The following RBFOX1 variants were observed in gnomAD, a reference collection of about 807,000 sequenced individuals.
RBFOX1 encodes RNA binding protein fox-1 homolog 1.
A neutral mutation model predicts 57.7 loss-of-function variants in RBFOX1; 8 were observed. The observed-to-expected ratio is 0.14, with a 90% CI of 0.08 to 0.25. The LOEUF (loss-of-function observed/expected upper bound fraction) is 0.25, where lower values mean the gene tolerates loss of function less well. RBFOX1 is among the 10% of genes least tolerant of loss of function. The pLI is 1.00. For synonymous variants in RBFOX1, 326 were observed against 222.4 expected, an observed-to-expected ratio of 1.47 and a Z score of -4.15; for missense variants, 611 against 548.5, an observed-to-expected ratio of 1.11 and a Z score of -1.14.
At chr16:5,537,157 C>G (rs547033100) in intron 2 of RBFOX1, among the ~76,000 whole-genome samples, 38 of 152,204 alleles carry the variant, frequency 2.5e-4, no homozygotes, top group Middle Eastern at 3.4e-3. Flanking sequence ...TTTCTATAAT[C>G]TTACTTCCTT....
chr16:6,897,286 C>T (rs932989952), intron 3 of RBFOX1, among the ~76,000 whole-genome samples: 4 of 152,110 alleles, frequency 2.6e-5, no homozygotes, highest in African/African-American at 9.7e-5. Context: ...GCTTGTAAGC[C>T]CAGCTACTCA....
At chr16:5,970,326 C>G (rs2059937598) in intron 4 of RBFOX1, among the ~76,000 whole-genome samples, 1 of 151,914 alleles carries the variant, frequency 6.6e-6, no homozygotes, top group African/African-American at 2.4e-5. Context: ...ATATGGCCAT[C>G]ATTCTTCCAG....
At chr16:7,314,579 G>A (rs946977510) in intron 4 of RBFOX1, among the ~76,000 whole-genome samples, 6 of 152,154 alleles carry the variant, frequency 3.9e-5, no homozygotes, top group Non-Finnish European at 8.8e-5. Flanking sequence ...GGGCTGATTG[G>A]TTTGTTTCAC....
intron 2 of RBFOX1, among the ~76,000 whole-genome samples, chr16:5,497,265 C>G (rs1307279625): frequency 1.3e-5 from 2 of 149,374 alleles, no homozygotes; most frequent in African/African-American, 4.9e-5. Flanking sequence ...TTTTTTTTTT[C>G]TCAGATAACA....
chr16:6,937,213 C>G (rs566670163), intron 3 of RBFOX1, among the ~76,000 whole-genome samples: 4 of 152,078 alleles, frequency 2.6e-5, no homozygotes, highest in East Asian at 3.9e-4. Flanking sequence ...TGTAAGAAAT[C>G]AAAATAGTAT....
At chr16:7,037,172 C>G (rs1006932491) in intron 3 of RBFOX1, among the ~76,000 whole-genome samples, 7 of 150,862 alleles carry the variant, frequency 4.6e-5, no homozygotes, top group Admixed American at 4.6e-4. Flanking sequence ...CCTATCTTAT[C>G]CTGTGACTTA....
At chr16:7,453,043 C>G (rs1026924509) in intron 4 of RBFOX1, among the ~76,000 whole-genome samples, 2 of 150,516 alleles carry the variant, frequency 1.3e-5, no homozygotes, top group African/African-American at 4.9e-5. Context: ...GCAGGAGAAT[C>G]TCTTGAACCC....
chr16:7,713,044 T>C lies in RBFOX1; in HGVS notation c.*2299T>C, dbSNP rs1297322534. ...TTGTCTAGGCACTCCAAGATGCCAATAAGTCATTTTAAAATGTATGTCAGA... is the reference window on the plus strand; with the variant it reads ...TTGTCTAGGCACTCCAAGATGCCAACAAGTCATTTTAAAATGTATGTCAGA... On this transcript the variant is annotated 3_prime_UTR_variant, in exon 16 of 16. Coordinates refer to ENST00000550418, the MANE Select transcript of RBFOX1 (RefSeq NM_018723.4). 1 of 152,214 alleles carries C rather than the reference T, an allele frequency of 6.6e-6. No homozygotes were observed. Among genetic ancestry groups the C allele is most frequent in the Non-Finnish European group, 1.5e-5 (1 of 68,026 alleles). The allele number at this position is 152,214 out of a possible 1,614,324, so 9.4% of individuals were successfully genotyped here. A position where few individuals can be genotyped will look rare whatever the true frequency, so the allele number is the denominator to read the frequency against.
chr16:7,681,036 G>A (rs1298420043), intron 14 of RBFOX1, among the ~76,000 whole-genome samples: 1 of 152,070 alleles, frequency 6.6e-6, no homozygotes, highest in African/African-American at 2.4e-5. Context: ...GAGAACGTAA[G>A]TTAAATATGA....
chr16:5,830,432 G>T (rs1433224471), intron 3 of RBFOX1, among the ~76,000 whole-genome samples: 1 of 150,984 alleles, frequency 6.6e-6, no homozygotes, highest in Non-Finnish European at 1.5e-5. Context: ...TGAAAGCTTA[G>T]TGCTTATCAC....
intron 4 of RBFOX1, among the ~76,000 whole-genome samples, chr16:7,154,432 A>T (rs1208196693): frequency 6.6e-6 from 1 of 152,232 alleles, no homozygotes; most frequent in African/African-American, 2.4e-5. Context: ...GTCCCATCAC[A>T]GAAGGACAAT....
intron 3 of RBFOX1, among the ~76,000 whole-genome samples, chr16:6,960,611 C>T (rs764440813): frequency 8.5e-5 from 13 of 152,118 alleles, no homozygotes; most frequent in Non-Finnish European, 1.5e-4. Context: ...AGGCCCCCGC[C>T]TGCCTTTTTT....
intron 3 of RBFOX1, among the ~76,000 whole-genome samples, chr16:7,004,974 T>A (rs563206475): frequency 6.6e-6 from 1 of 152,262 alleles, no homozygotes; most frequent in South Asian, 2.1e-4. Context: ...TGAAACCCCA[T>A]TTCTACCAAA....
chr16:7,640,382 T>C (rs931583912), intron 11 of RBFOX1, among the ~76,000 whole-genome samples: 3 of 152,236 alleles, frequency 2.0e-5, no homozygotes, highest in African/African-American at 7.2e-5. Context: ...ATGGTGATTT[T>C]CATTTTTTCA....
At chr16:6,154,173 T>C (rs1211657243) in intron 1 of RBFOX1, among the ~76,000 whole-genome samples, 1 of 152,186 alleles carries the variant, frequency 6.6e-6, no homozygotes, top group Non-Finnish European at 1.5e-5. Flanking sequence ...AAGCCAGTTA[T>C]CTCTCAGCCT....
intron 4 of RBFOX1, among the ~76,000 whole-genome samples, chr16:7,116,795 G>A (rs2065994686): frequency 6.6e-6 from 1 of 152,118 alleles, no homozygotes. Flanking sequence ...CAGGCATGGT[G>A]CTATGCAGAG....
intron 4 of RBFOX1, among the ~76,000 whole-genome samples, chr16:7,229,654 GGAGGAAGGGCA>G (rs2093364842): frequency 9.1e-6 from 1 of 109,454 alleles, no homozygotes. Flanking sequence ...GGAGAGAGAG[GGAGGAAGGGCA>G]AAGGAAGTAA....
At chr16:5,809,643 T>C (rs1289608439) in intron 3 of RBFOX1, among the ~76,000 whole-genome samples, 1 of 152,168 alleles carries the variant, frequency 6.6e-6, no homozygotes, top group Non-Finnish European at 1.5e-5. Flanking sequence ...TCACACCAGT[T>C]TGAATGGCAA....
At chr16:5,925,039 C>A (rs2058913381) in intron 4 of RBFOX1, among the ~76,000 whole-genome samples, 1 of 152,174 alleles carries the variant, frequency 6.6e-6, no homozygotes, top group Non-Finnish European at 1.5e-5. Context: ...CCTTTTAGCA[C>A]AGACACCTAC....
Sources: gnomAD v4.1 joint callset for allele counts (sites outside exome capture counted in the v4.1 genomes callset) on GRCh38, gnomAD v4.1.1 for gene constraint, MANE v1.5 for transcripts, NCBI Gene and HGNC (gene_info 2026-07-23, HGNC 2026-07-21) for gene names.